ARL13B: variants seen among roughly 807,000 people sequenced by gnomAD.
ARL13B encodes the protein ARF like GTPase 13B.
In ARL13B, 36 loss-of-function variants were observed where a neutral mutation model predicts 56.1. That is an observed-to-expected ratio of 0.64 (90% CI 0.49 to 0.85). The LOEUF is 0.85. Among genes scored for constraint, ARL13B ranks in the 40% least tolerant of loss-of-function variants. The pLI is 0.00. For synonymous variants in ARL13B, 178 were observed against 171.1 expected (o/e 1.04, Z -0.32); for missense variants, 519 against 507.1 (o/e 1.02, Z -0.23).
At chr3:94,041,951 G>A (rs9821535) in intron 6 of ARL13B, among the ~76,000 whole-genome samples, 33,124 of 152,042 alleles carry the variant, frequency 0.22, 3,856 homozygotes, top group African/African-American at 0.29. Flanking sequence ...CAGCTACTCC[G>A]GAGGCTGAGG....
intron 3 of ARL13B, among the ~76,000 whole-genome samples, chr3:94,032,840 G>A (rs942075949): frequency 6.6e-6 from 1 of 152,156 alleles, no homozygotes; most frequent in East Asian, 1.9e-4. Flanking sequence ...CTACCATTCA[G>A]TCTAGCAACC....
intron 7 of ARL13B, among the ~76,000 whole-genome samples, chr3:94,045,008 G>A (rs2076956542): frequency 1.3e-5 from 2 of 152,196 alleles, no homozygotes; most frequent in African/African-American, 4.8e-5. Flanking sequence ...AAAAGAAAAG[G>A]GGGAAATGTG....
chr3:94,010,388 A>T (rs1333414326), intron 3 of ARL13B, among the ~76,000 whole-genome samples: 1 of 152,088 alleles, frequency 6.6e-6, no homozygotes, highest in Non-Finnish European at 1.5e-5. Context: ...GTTTCAAAGT[A>T]TTTCATCTTA....
chr3:94,002,233 C>A (rs1575953904), intron 2 of ARL13B, among the ~76,000 whole-genome samples: 1 of 152,066 alleles, frequency 6.6e-6, no homozygotes. Flanking sequence ...GGGTGGACCA[C>A]TAGCCACATG....
chr3:94,015,814 T>C (rs1231934444), intron 3 of ARL13B, among the ~76,000 whole-genome samples: 1 of 152,178 alleles, frequency 6.6e-6, no homozygotes, highest in African/African-American at 2.4e-5. Context: ...TTTTAAATTT[T>C]CCGAAGCCTC....
intron 8 of ARL13B, among the ~76,000 whole-genome samples, chr3:94,050,272 C>T (rs149088129): frequency 1.3e-3 from 194 of 152,008 alleles, no homozygotes; most frequent in African/African-American, 4.5e-3. Flanking sequence ...ATACCCATGT[C>T]CTAAGTTGTT....
intron 6 of ARL13B, among the ~76,000 whole-genome samples, chr3:94,041,892 C>T (rs2107146036): frequency 6.6e-6 from 1 of 152,192 alleles, no homozygotes; most frequent in African/African-American, 2.4e-5. Flanking sequence ...AACCCTGTCT[C>T]TGCTAAAAAT....
intron 3 of ARL13B, chr3:94,015,212 C>G: frequency 6.3e-7 from 1 of 1,596,646 alleles, no homozygotes; most frequent in Non-Finnish European, 8.5e-7. Flanking sequence ...ACATGACTGT[C>G]TCTAGAGAGT....
At chr3:94,051,805 T>C (rs2077071925) in intron 9 of ARL13B, among the ~76,000 whole-genome samples, 1 of 152,154 alleles carries the variant, frequency 6.6e-6, no homozygotes, top group African/African-American at 2.4e-5. Flanking sequence ...CCAGTTTAAA[T>C]ATTTTTGTTT....
chr3:94,023,135 A>G (rs1430541445), intron 3 of ARL13B, among the ~76,000 whole-genome samples: 2 of 152,000 alleles, frequency 1.3e-5, no homozygotes, highest in Non-Finnish European at 2.9e-5. Flanking sequence ...CCTTTTCAAA[A>G]CATAAATGCA....
intron 6 of ARL13B, among the ~76,000 whole-genome samples, chr3:94,042,761 C>T (rs576755223): frequency 1.3e-5 from 2 of 152,218 alleles, no homozygotes; most frequent in Admixed American, 6.5e-5. Context: ...CGGAATAATA[C>T]AGATGAATAG....
At chr3:94,031,824 T>C (rs1057303484) in intron 3 of ARL13B, among the ~76,000 whole-genome samples, 6 of 152,092 alleles carry the variant, frequency 3.9e-5, no homozygotes, top group African/African-American at 1.2e-4. Flanking sequence ...TGGAAAAGAA[T>C]AGAGAACCCA....
At chr3:94,040,018 A>T in intron 6 of ARL13B, 30 bp downstream of exon 6, 1 of 1,590,392 alleles carries the variant, frequency 6.3e-7, no homozygotes, top group Non-Finnish European at 8.6e-7. Context: ...TAATTTTTGT[A>T]TCTTAAGTTA....
intron 5 of ARL13B, among the ~76,000 whole-genome samples, chr3:94,038,321 G>A (rs1306427436): frequency 1.8e-4 from 27 of 152,086 alleles, no homozygotes; most frequent in Non-Finnish European, 4.0e-4. Flanking sequence ...CAAAGTCACA[G>A]AAGTAGTAAA....
At chr3:94,035,479 T>C in intron 4 of ARL13B, 43 bp downstream of exon 4, 1 of 1,327,666 alleles carries the variant, frequency 7.5e-7, no homozygotes, top group Non-Finnish European at 1.1e-6. Flanking sequence ...TTTTGTCCTT[T>C]CAAATAGGTT....
chr3:94,014,537 C>T (rs2076286791), intron 3 of ARL13B: 2 of 1,612,762 alleles, frequency 1.2e-6, no homozygotes, highest in South Asian at 1.1e-5. Flanking sequence ...TTGATGCTCT[C>T]TCCTTGTTCC....
chr3:93,998,210 A>G (rs1227187542), intron 2 of ARL13B, among the ~76,000 whole-genome samples: 6 of 152,300 alleles, frequency 3.9e-5, no homozygotes, highest in Admixed American at 6.5e-5. Context: ...CCTTCTTCTA[A>G]CCTTCTTTTA....
At chr3:94,010,118 A>G (rs1242766365) in intron 3 of ARL13B, among the ~76,000 whole-genome samples, 1 of 152,154 alleles carries the variant, frequency 6.6e-6, no homozygotes, top group African/African-American at 2.4e-5. Flanking sequence ...GCAAAAATTG[A>G]GAACTACTGG....
chr3:94,043,340 C>A, intron 7 of ARL13B, 100 bp downstream of exon 7: 1 of 1,080,268 alleles, frequency 9.3e-7, no homozygotes, highest in Non-Finnish European at 1.3e-6. Context: ...ACGAGTACTT[C>A]AATATTTTTC....
Sources: allele counts gnomAD v4.1 joint callset (sites outside exome capture counted in the v4.1 genomes callset), GRCh38; gene constraint gnomAD v4.1.1; transcripts MANE v1.5; gene names NCBI Gene and HGNC (gene_info 2026-07-23, HGNC 2026-07-21).